Variants in ZFPM2 observed in about 807,000 individuals in gnomAD.
ZFPM2 encodes the protein zinc finger protein ZFPM2.
ZFPM2 carries 20 observed loss-of-function variants against 98.6 expected under a neutral mutation model. That is an observed-to-expected ratio of 0.20 (90% CI 0.14 to 0.29). The LOEUF (loss-of-function observed/expected upper bound fraction) is 0.29, where lower values mean the gene tolerates loss of function less well. Among genes scored for constraint, ZFPM2 ranks in the 10% least tolerant of loss-of-function variants. The probability of loss-of-function intolerance (pLI) is 1.00; values close to 1 mark genes in which losing one functional copy is unlikely to be tolerated. For synonymous variants in ZFPM2, 518 were observed against 502.7 expected (o/e 1.03, Z -0.41); for missense variants, 1,310 against 1,388.6 (o/e 0.94, Z 0.90).
intron 4 of ZFPM2, among the ~76,000 whole-genome samples, chr8:105,627,563 GGAAAAAAT>G (rs1816682152): frequency 6.6e-6 from 1 of 152,058 alleles, no homozygotes; most frequent in African/African-American, 2.4e-5. Flanking sequence ...ATTTCAAAAT[GGAAAAAAT>G]GGAGAAAAAC....
intron 3 of ZFPM2, among the ~76,000 whole-genome samples, chr8:105,454,300 C>G (rs1812545058): frequency 6.6e-6 from 1 of 152,052 alleles, no homozygotes; most frequent in Non-Finnish European, 1.5e-5. Flanking sequence ...TTCGATACCC[C>G]ACATTTCTTG....
At chr8:105,793,421 T>C (rs1395313803) in intron 6 of ZFPM2, among the ~76,000 whole-genome samples, 1 of 152,232 alleles carries the variant, frequency 6.6e-6, no homozygotes, top group Non-Finnish European at 1.5e-5. Flanking sequence ...GCTCCCACTC[T>C]CTTCTGGCTT....
chr8:105,666,098 A>G (rs1817483533), intron 5 of ZFPM2, among the ~76,000 whole-genome samples: 2 of 152,118 alleles, frequency 1.3e-5, no homozygotes, highest in Non-Finnish European at 2.9e-5. Context: ...CTTTGCATCT[A>G]TAGGGTGATT....
In ZFPM2 at chr8:105,788,943, G is replaced by A. The variant is rs140283741; in HGVS notation, c.739+19G>A. 3,728 of 1,597,340 alleles carry A rather than the reference G, an allele frequency of 2.3e-3. 9 individuals are homozygous for A. Among genetic ancestry groups the A allele is most frequent in the Non-Finnish European group, 2.9e-3 (3,390 of 1,168,230 alleles). Reference sequence around the variant, plus strand: ...GTCAATAGTAAGTGCTCAGTGCTGTGTAGCCCAGCTTTAGAGGTGATGGGA... The same window carrying A: ...GTCAATAGTAAGTGCTCAGTGCTGTATAGCCCAGCTTTAGAGGTGATGGGA... On this transcript the variant is annotated intron_variant, in intron 6 of 7. Transcript: ENST00000407775.
Position 105,520,933 on chromosome 8 carries a change from C to T in ZFPM2, c.302-40430C>T, listed in dbSNP as rs922247364. On this transcript the variant is annotated intron_variant, in intron 3 of 7. Transcript: ENST00000407775. ...TGATAATAGACATCTGTCTACAAGA[C>T]ACTGCTGAAGACTTTGAAGACCATC... Among the ~76,000 whole-genome samples the T allele has an allele frequency of 9.2e-5, 14 of 151,998 alleles. No individual in the cohort carries two copies. In the East Asian group the frequency reaches 1.2e-3, roughly 13 times the overall value.
chr8:105,749,671 T>G (rs867017749), intron 5 of ZFPM2, among the ~76,000 whole-genome samples: 1 of 151,856 alleles, frequency 6.6e-6, no homozygotes, highest in African/African-American at 2.4e-5. Flanking sequence ...TGTTTTTTTT[T>G]AAATGGAAGA....
chr8:105,748,014 A>G (rs187652206), intron 5 of ZFPM2, among the ~76,000 whole-genome samples: 1 of 151,910 alleles, frequency 6.6e-6, no homozygotes, highest in Non-Finnish European at 1.5e-5. Flanking sequence ...AGGAGAACAA[A>G]TTTTTTTCCA....
intron 1 of ZFPM2, among the ~76,000 whole-genome samples, chr8:105,348,882 C>A (rs967648853): frequency 3.5e-4 from 53 of 152,298 alleles, no homozygotes; most frequent in African/African-American, 1.2e-3. Context: ...TTGAACAGCA[C>A]ACACCGTACT....
chr8:105,789,004 C>A, intron 6 of ZFPM2, 80 bp downstream of exon 6: 1 of 1,180,594 alleles, frequency 8.5e-7, no homozygotes, highest in Non-Finnish European at 1.2e-6. Context: ...TGACAAGAAA[C>A]CAGGAACAGA....
chr8:105,676,152 C>T (rs1810450464), intron 5 of ZFPM2: 1 of 152,162 alleles, frequency 6.6e-6, no homozygotes, highest in Non-Finnish European at 1.5e-5. Context: ...TTTTAATAAA[C>T]AGCAGTGACT....
chr8:105,621,120 C>T (rs975830747), intron 4 of ZFPM2, among the ~76,000 whole-genome samples: 6 of 152,120 alleles, frequency 3.9e-5, no homozygotes, highest in South Asian at 2.1e-4. Context: ...TTACCTTGGG[C>T]AGTATGGCTA....
intron 1 of ZFPM2, among the ~76,000 whole-genome samples, chr8:105,393,553 G>C (rs540122555): frequency 6.6e-6 from 1 of 152,054 alleles, no homozygotes; most frequent in Non-Finnish European, 1.5e-5. Flanking sequence ...TTTTCTTCCT[G>C]TATAATGCAA....
In ZFPM2 at chr8:105,620,513, T is replaced by C. The variant is rs560354157; in HGVS notation, c.421-13733T>C. ...TTCACTCTGATGGTAGTTTCTTTTGTTGTGCAGAAGCTCTTTAGTTTAATT... is the reference window on the plus strand; with the variant it reads ...TTCACTCTGATGGTAGTTTCTTTTGCTGTGCAGAAGCTCTTTAGTTTAATT... On this transcript the variant is annotated intron_variant, in intron 4 of 7. Coordinates refer to ENST00000407775, the MANE Select transcript of ZFPM2 (RefSeq NM_012082.4). 1.7e-4 allele frequency among the ~76,000 whole-genome samples: 26 copies of C among 152,240 alleles called. No individual in the cohort carries two copies. In the East Asian group the frequency reaches 4.6e-3, roughly 27 times the overall value.
At chr8:105,741,056 AAGG>A (rs1812203672) in intron 5 of ZFPM2, among the ~76,000 whole-genome samples, 10 of 152,066 alleles carry the variant, frequency 6.6e-5, no homozygotes, top group Admixed American at 4.6e-4. Flanking sequence ...GGGCAGAATA[AAGG>A]AGGAGGACAG....
intron 1 of ZFPM2, among the ~76,000 whole-genome samples, chr8:105,357,088 G>A (rs1264730316): frequency 2.9e-5 from 4 of 139,654 alleles, no homozygotes; most frequent in African/African-American, 4.9e-5. Flanking sequence ...CTTCTGTTCC[G>A]GTGAAGTAGT....
At chr8:105,461,472 C>T (rs1010027987) in intron 3 of ZFPM2, among the ~76,000 whole-genome samples, 1 of 152,130 alleles carries the variant, frequency 6.6e-6, no homozygotes, top group Non-Finnish European at 1.5e-5. Flanking sequence ...CACTGATAGT[C>T]ATTTTCAGAA....
chr8:105,540,414 G>A (rs1814551438), intron 3 of ZFPM2, among the ~76,000 whole-genome samples: 1 of 152,022 alleles, frequency 6.6e-6, no homozygotes, highest in African/African-American at 2.4e-5. Flanking sequence ...ACAGTCAAAT[G>A]AGATAATGCA....
chr8:105,512,191 A>T (rs78343097), intron 3 of ZFPM2, among the ~76,000 whole-genome samples: 2 of 152,164 alleles, frequency 1.3e-5, no homozygotes, highest in Admixed American at 1.3e-4. Context: ...TGAGCTGAAG[A>T]CATTGGGAGT....
At chr8:105,530,922 A>C (rs1463421804) in intron 3 of ZFPM2, among the ~76,000 whole-genome samples, 2 of 152,172 alleles carry the variant, frequency 1.3e-5, no homozygotes, top group Non-Finnish European at 2.9e-5. Context: ...AATGATGTCC[A>C]TAGTTTTATA....
Sources: allele counts gnomAD v4.1 joint callset (sites outside exome capture counted in the v4.1 genomes callset), GRCh38; gene constraint gnomAD v4.1.1; transcripts MANE v1.5; gene names NCBI Gene and HGNC (gene_info 2026-07-23, HGNC 2026-07-21).